The following STRBP variants were observed in gnomAD, a reference collection of about 807,000 sequenced individuals.
STRBP encodes spermatid perinuclear RNA binding protein, also known as spermatid perinuclear RNA-binding protein.
In STRBP, 13 loss-of-function variants were observed where a neutral mutation model predicts 80.1. The ratio of observed to expected loss-of-function variants is 0.16; its 90% CI spans 0.11 to 0.26. STRBP has a LOEUF of 0.26. Among genes scored for constraint, STRBP ranks in the 10% least tolerant of loss-of-function variants. STRBP has a pLI of 1.00. For synonymous variants in STRBP, 284 were observed against 291.2 expected, an observed-to-expected ratio of 0.98 and a Z score of 0.25; for missense variants, 485 against 815.2, an observed-to-expected ratio of 0.59 and a Z score of 4.93.
At chr9:123,210,296 G>A (rs991425200) in intron 2 of STRBP, among the ~76,000 whole-genome samples, 4 of 151,422 alleles carry the variant, frequency 2.6e-5, no homozygotes, top group African/African-American at 9.7e-5. Context: ...AGAACTTTTG[G>A]TCATCAAAAA....
At chr9:123,188,761 C>G (rs1390543845) in intron 2 of STRBP, among the ~76,000 whole-genome samples, 1 of 151,984 alleles carries the variant, frequency 6.6e-6, no homozygotes. Context: ...TATAAAAATA[C>G]TTTCTTTAAA....
intron 11 of STRBP, among the ~76,000 whole-genome samples, chr9:123,154,456 T>C (rs1358981433): frequency 6.6e-6 from 1 of 152,082 alleles, no homozygotes. Context: ...AAGTCAGAAA[T>C]GGTATTTCTT....
At chr9:123,196,989 T>C (rs2039115400) in intron 2 of STRBP, among the ~76,000 whole-genome samples, 1 of 152,184 alleles carries the variant, frequency 6.6e-6, no homozygotes, top group African/African-American at 2.4e-5. Flanking sequence ...GCAACCTAAA[T>C]GTCCGTGAAG....
chr9:123,137,179 A>G (rs749416108), intron 14 of STRBP, among the ~76,000 whole-genome samples: 4 of 152,222 alleles, frequency 2.6e-5, no homozygotes, highest in Non-Finnish European at 5.9e-5. Context: ...ATAAGAATAG[A>G]AGTAGTGAAA....
Position 123,125,544 on chromosome 9 carries a change from C to A in STRBP, c.*53G>T. Reference sequence around the variant, plus strand: ...CAGGATAAAAAGGCTTTTTCTCTAACATTCTGTGTTGTACTGTATTGTTGT... The same window carrying A: ...CAGGATAAAAAGGCTTTTTCTCTAAAATTCTGTGTTGTACTGTATTGTTGT... On this transcript the variant is annotated 3_prime_UTR_variant, in exon 19 of 19. Transcript: ENST00000348403. 1 of 1,469,322 alleles carries A rather than the reference C, an allele frequency of 6.8e-7. No individual in the cohort carries two copies. 91.0% of individuals were successfully genotyped at this position (1,469,322 alleles called of 1,614,324 possible).
At chr9:123,257,451 C>T (rs1312228889) in intron 1 of STRBP, among the ~76,000 whole-genome samples, 3 of 152,090 alleles carry the variant, frequency 2.0e-5, no homozygotes, top group Middle Eastern at 3.4e-3. Context: ...CACACACACC[C>T]ACATCCCATA....
chr9:123,200,229 C>T (rs2039264945), intron 2 of STRBP, among the ~76,000 whole-genome samples: 1 of 152,106 alleles, frequency 6.6e-6, no homozygotes, highest in African/African-American at 2.4e-5. Flanking sequence ...TTGAAAACAG[C>T]AGATACTTCG....
intron 2 of STRBP, among the ~76,000 whole-genome samples, chr9:123,216,784 T>C (rs990813771): frequency 3.3e-5 from 5 of 152,224 alleles, no homozygotes; most frequent in Admixed American, 6.5e-5. Flanking sequence ...CCATGTTCCA[T>C]AGAGTGTACA....
chr9:123,154,384 T>G (rs1208043145), intron 11 of STRBP, among the ~76,000 whole-genome samples: 1 of 152,070 alleles, frequency 6.6e-6, no homozygotes, highest in Non-Finnish European at 1.5e-5. Flanking sequence ...AAACTCAAAT[T>G]ATTTAGGAAA....
At position 123,115,429 on chromosome 9, in the gene STRBP, T is replaced by G. The variant is rs1375389424; in HGVS notation, c.*84+500A>C. 2.1e-6 allele frequency: 1 copy of G among 470,394 alleles called. No homozygotes were observed. Among genetic ancestry groups the G allele is most frequent in the Non-Finnish European group, 4.4e-6 (1 of 226,578 alleles). The allele number at this position is 470,394 out of a possible 1,614,324, so 29.1% of individuals were successfully genotyped here. On this transcript the variant is annotated intron_variant and NMD_transcript_variant, in intron 3 of 3. Transcript: ENST00000471564. This position sits in a 1 kb window ranked among gnomAD's most constrained non-coding sequence, Gnocchi z 5.0. ...GGGAGGGGGAGACCCACTGAAGCCT[T>G]TCTCCCTGCACAGAGGAGGACTCTC...
intron 6 of STRBP, among the ~76,000 whole-genome samples, chr9:123,165,984 A>G (rs2037741790): frequency 6.6e-6 from 1 of 152,200 alleles, no homozygotes; most frequent in Admixed American, 6.5e-5. Context: ...CACACTGGAG[A>G]GTCCTATTTA....
intron 2 of STRBP, among the ~76,000 whole-genome samples, chr9:123,225,864 A>G (rs1382699970): frequency 1.3e-5 from 2 of 152,208 alleles, no homozygotes; most frequent in Non-Finnish European, 2.9e-5. Context: ...GATAAATGTG[A>G]AAAAAAGCTA....
At chr9:123,262,529 T>C (rs1425342167) in intron 1 of STRBP, among the ~76,000 whole-genome samples, 1 of 152,226 alleles carries the variant, frequency 6.6e-6, no homozygotes, top group African/African-American at 2.4e-5. Context: ...AATTCTCACT[T>C]TTCAAGTGGA....
At chr9:123,109,601 A>G (rs1281004447) in exon 4 of STRBP, 1 of 152,272 alleles carries the variant, frequency 6.6e-6, no homozygotes, top group African/African-American at 2.4e-5. Context: ...GGGTCAGTCT[A>G]TGGCAGAGTC....
At chr9:123,152,729 G>A (rs1243401832) in intron 11 of STRBP, among the ~76,000 whole-genome samples, 1 of 152,154 alleles carries the variant, frequency 6.6e-6, no homozygotes, top group Non-Finnish European at 1.5e-5. Flanking sequence ...AGGGATGGCT[G>A]AGCAGAGAGA....
intron 2 of STRBP, among the ~76,000 whole-genome samples, chr9:123,197,191 A>G (rs956358821): frequency 1.3e-5 from 2 of 152,218 alleles, no homozygotes; most frequent in Non-Finnish European, 2.9e-5. Flanking sequence ...TAAAAATTAA[A>G]CAATTAAACT....
At chr9:123,256,018 CTTTTTTTTT>C (rs11338372) in intron 1 of STRBP, among the ~76,000 whole-genome samples, 10 of 71,484 alleles carry the variant, frequency 1.4e-4, no homozygotes, top group African/African-American at 3.1e-4. Context: ...TCCTTTCTTT[CTTTTTTTTT>C]TTTTTTTTTT....
chr9:123,253,765 T>C lies in STRBP; in HGVS notation c.-302+14671A>G, dbSNP rs186829446. ...TCACTATTAAATAGCATAAGAAGGATACTCTGTTTCTCACTGGCAAATCGG... is the reference window on the plus strand; with the variant it reads ...TCACTATTAAATAGCATAAGAAGGACACTCTGTTTCTCACTGGCAAATCGG... On this transcript the variant is annotated intron_variant, in intron 1 of 18. Coordinates refer to ENST00000348403, the MANE Select transcript of STRBP (RefSeq NM_018387.5). Among the ~76,000 whole-genome samples the C allele has an allele frequency of 6.3e-4, 96 of 152,358 alleles. 1 individual carries two copies. The South Asian group carries it at 0.012, about 19-fold the overall frequency.
chr9:123,214,747 CCTATA>C (rs2039836293), intron 2 of STRBP, among the ~76,000 whole-genome samples: 1 of 152,254 alleles, frequency 6.6e-6, no homozygotes, highest in East Asian at 1.9e-4. Context: ...ACTGTACCTA[CCTATA>C]CTATATTCAT....
Sources: allele counts gnomAD v4.1 joint callset (sites outside exome capture counted in the v4.1 genomes callset), GRCh38; gene constraint gnomAD v4.1.1; non-coding constraint Gnocchi (gnomAD v3.1); transcripts MANE v1.5; gene names NCBI Gene and HGNC (gene_info 2026-07-23, HGNC 2026-07-21).